The following ARPP21 variants were observed in gnomAD, a reference collection of about 807,000 sequenced individuals.
The protein encoded by ARPP21 is cAMP regulated phosphoprotein 21.
Under a neutral mutation model 113.2 loss-of-function variants are expected in ARPP21, and 69 were observed. The ratio of observed to expected loss-of-function variants is 0.61; its 90% confidence interval spans 0.50 to 0.74. The LOEUF is 0.74. Among genes scored for constraint, ARPP21 ranks in the 30% least tolerant of loss-of-function variants. ARPP21 has a pLI of 0.00. For synonymous variants in ARPP21, 368 were observed against 375.5 expected (o/e 0.98, Z 0.23); for missense variants, 1,070 against 1,037.4 (o/e 1.03, Z -0.43).
intron 1 of ARPP21, among the ~76,000 whole-genome samples, chr3:35,678,439 G>A (rs928321866): frequency 3.3e-5 from 5 of 151,864 alleles, no homozygotes; most frequent in African/African-American, 1.2e-4. Context: ...ATTTAATATT[G>A]AGTATTATAG....
chr3:35,750,115 C>CTTT (rs57509420), intron 19 of ARPP21, among the ~76,000 whole-genome samples: 20 of 92,534 alleles, frequency 2.2e-4, no homozygotes, highest in African/African-American at 6.3e-4. Flanking sequence ...GTTTATTTCG[C>CTTT]TTTTTTTTTT....
chr3:35,721,862 C>T, intron 14 of ARPP21, 28 bp downstream of exon 14: 1 of 1,458,806 alleles, frequency 6.9e-7, no homozygotes, highest in Non-Finnish European at 9.3e-7. Flanking sequence ...TGTTTATGTC[C>T]TGTGGTATTT....
At chr3:35,673,133 C>T (rs2076745089) in intron 1 of ARPP21, among the ~76,000 whole-genome samples, 1 of 151,968 alleles carries the variant, frequency 6.6e-6, no homozygotes. Flanking sequence ...AACTATAGCT[C>T]AGAGCTGCCC....
intron 1 of ARPP21, among the ~76,000 whole-genome samples, chr3:35,670,707 G>T (rs985613315): frequency 3.9e-5 from 6 of 151,982 alleles, no homozygotes; most frequent in African/African-American, 1.4e-4. Flanking sequence ...GTACCTTCTG[G>T]CTAAGCTGTG....
chr3:35,738,915 G>C (rs1347182159), intron 17 of ARPP21, among the ~76,000 whole-genome samples: 4 of 152,194 alleles, frequency 2.6e-5, no homozygotes, highest in South Asian at 2.1e-4. Flanking sequence ...GATGAGTATA[G>C]TTGGTTCTGC....
At chr3:35,691,811 A>G (rs1460950929) in intron 9 of ARPP21, among the ~76,000 whole-genome samples, 2 of 151,618 alleles carry the variant, frequency 1.3e-5, no homozygotes, top group Non-Finnish European at 3.0e-5. Flanking sequence ...AACTGCCCAC[A>G]TAAAGCATCC....
chr3:35,710,166 T>C (rs1362927315), intron 11 of ARPP21, among the ~76,000 whole-genome samples: 1 of 152,060 alleles, frequency 6.6e-6, no homozygotes, highest in Non-Finnish European at 1.5e-5. Context: ...ATTTTGAAGA[T>C]TGGATGATCC....
chr3:35,764,313 C>A (rs1195267910), intron 19 of ARPP21, among the ~76,000 whole-genome samples: 2 of 152,142 alleles, frequency 1.3e-5, no homozygotes, highest in South Asian at 4.1e-4. Flanking sequence ...TGATAAATAG[C>A]GTTTTTAGAA....
intron 19 of ARPP21, among the ~76,000 whole-genome samples, chr3:35,751,119 A>G (rs2095388912): frequency 6.6e-6 from 1 of 152,214 alleles, no homozygotes; most frequent in Non-Finnish European, 1.5e-5. Flanking sequence ...GCTACATAGC[A>G]GAGTAAAGAG....
At chr3:35,750,153 G>A (rs2095351637) in intron 19 of ARPP21, among the ~76,000 whole-genome samples, 1 of 140,044 alleles carries the variant, frequency 7.1e-6, no homozygotes, top group Admixed American at 7.1e-5. Context: ...GAGATAAGAA[G>A]TTAGATTTTT....
chr3:35,673,758 G>C (rs2076890685), intron 1 of ARPP21, among the ~76,000 whole-genome samples: 3 of 151,750 alleles, frequency 2.0e-5, no homozygotes, highest in Non-Finnish European at 4.4e-5. Context: ...CAAACACTTA[G>C]CTCCCATTTT....
chr3:35,684,479 T>C, intron 5 of ARPP21: 1 of 984,342 alleles, frequency 1.0e-6, no homozygotes, highest in Non-Finnish European at 1.2e-6. Context: ...CATGACAAAA[T>C]GGGAAACTTC....
intron 9 of ARPP21, among the ~76,000 whole-genome samples, chr3:35,695,607 T>C (rs1248181090): frequency 1.3e-5 from 2 of 151,528 alleles, no homozygotes; most frequent in Non-Finnish European, 1.5e-5. Context: ...GCAGAATGTA[T>C]GTAACAGATT....
chr3:35,773,452 A>G (rs2096266793), intron 19 of ARPP21, among the ~76,000 whole-genome samples: 2 of 152,136 alleles, frequency 1.3e-5, no homozygotes, highest in African/African-American at 4.8e-5. Context: ...ATGACTTGAC[A>G]ATTTATGCCT....
At chr3:35,725,685 A>T (rs1420048664) in intron 14 of ARPP21, among the ~76,000 whole-genome samples, 1 of 151,424 alleles carries the variant, frequency 6.6e-6, no homozygotes, top group Non-Finnish European at 1.5e-5. Context: ...TTGACTTGTG[A>T]TCTCTTTTTC....
chr3:35,664,141 C>T (rs990118452), intron 1 of ARPP21, among the ~76,000 whole-genome samples: 1 of 152,158 alleles, frequency 6.6e-6, no homozygotes, highest in African/African-American at 2.4e-5. Flanking sequence ...GACTTGAACA[C>T]CTAAACTATT....
At chr3:35,688,629 T>C (rs868011245) in intron 6 of ARPP21, among the ~76,000 whole-genome samples, 11 of 151,576 alleles carry the variant, frequency 7.3e-5, no homozygotes, top group Non-Finnish European at 5.9e-5. Context: ...ATAGAGCATC[T>C]GGTCAACTGA....
chr3:35,668,782 G>A lies in ARPP21; in HGVS notation c.-212-11005G>A, dbSNP rs556081871. Among the ~76,000 whole-genome samples, 42 of 152,018 alleles carry A rather than the reference G, an allele frequency of 2.8e-4. No homozygotes were observed. The South Asian group carries it at 6.4e-3, about 23-fold the overall frequency. On this transcript the variant is annotated intron_variant, in intron 1 of 20. Transcript: ENST00000684406. ...CTTGGAGATTCAAGTTACTTCTCTCGTCATCATGCATGTTTTGAGATGCAA... is the reference window on the plus strand; with the variant it reads ...CTTGGAGATTCAAGTTACTTCTCTCATCATCATGCATGTTTTGAGATGCAA...
chr3:35,722,287 C>T (rs1161048376), intron 14 of ARPP21, among the ~76,000 whole-genome samples: 2 of 152,042 alleles, frequency 1.3e-5, no homozygotes, highest in South Asian at 2.1e-4. Context: ...AAAAACACGC[C>T]GTAGGATAAT....
Sources: allele counts gnomAD v4.1 joint callset (sites outside exome capture counted in the v4.1 genomes callset), GRCh38; gene constraint gnomAD v4.1.1; transcripts MANE v1.5; gene names NCBI Gene and HGNC (gene_info 2026-07-23, HGNC 2026-07-21).